MPDZ: variants seen among roughly 807,000 people sequenced by gnomAD.
MPDZ encodes multiple PDZ domain protein.
Under a neutral mutation model 239.1 loss-of-function variants are expected in MPDZ, and 234 were observed. The ratio of observed to expected loss-of-function variants is 0.98; its 90% CI spans 0.88 to 1.09. The LOEUF is 1.09. Among genes scored for constraint, MPDZ ranks in the 50% least tolerant of loss-of-function variants. The pLI, the probability that MPDZ is intolerant of heterozygous loss-of-function variation, is 0.00. For missense variants in MPDZ, 3,175 were observed against 2,510.0 expected (o/e 1.26, Z -5.66); for synonymous variants, 1,048 against 881.3 (o/e 1.19, Z -3.35).
intron 26 of MPDZ, among the ~76,000 whole-genome samples, chr9:13,146,706 A>C (rs1320483297): frequency 6.6e-6 from 1 of 152,002 alleles, no homozygotes; most frequent in Non-Finnish European, 1.5e-5. Context: ...GAACTTTCAA[A>C]GGGGTATGTG....
chr9:13,192,425 T>C (rs184657784), intron 14 of MPDZ, 130 bp from the exon 15 acceptor site: 9 of 733,872 alleles, frequency 1.2e-5, no homozygotes, highest in African/African-American at 3.6e-5. Context: ...AGAACTATAG[T>C]GAGACCTGTG....
At chr9:13,239,661 T>A (rs535269531) in intron 3 of MPDZ, among the ~76,000 whole-genome samples, 1 of 152,162 alleles carries the variant, frequency 6.6e-6, no homozygotes, top group Admixed American at 6.6e-5. Flanking sequence ...TTAAGAATAC[T>A]CATGCATTCA....
intron 21 of MPDZ, among the ~76,000 whole-genome samples, chr9:13,172,679 G>A (rs901525393): frequency 4.6e-5 from 7 of 152,100 alleles, no homozygotes; most frequent in Admixed American, 3.3e-4. Flanking sequence ...GAGCCACCGC[G>A]CCCGGCCAAA....
chr9:13,263,924 T>C (rs1337075452), intron 1 of MPDZ, among the ~76,000 whole-genome samples: 1 of 152,132 alleles, frequency 6.6e-6, no homozygotes, highest in African/African-American at 2.4e-5. Context: ...TAATACTAAA[T>C]TATGGAAAAG....
intron 13 of MPDZ, among the ~76,000 whole-genome samples, chr9:13,194,744 T>C (rs1230383745): frequency 6.6e-6 from 1 of 152,116 alleles, no homozygotes; most frequent in African/African-American, 2.4e-5. Flanking sequence ...TGAGCTCTGA[T>C]GCCTACAACA....
intron 10 of MPDZ, among the ~76,000 whole-genome samples, chr9:13,209,237 C>A (rs1026143845): frequency 8.5e-5 from 13 of 152,150 alleles, no homozygotes; most frequent in African/African-American, 3.1e-4. Flanking sequence ...TGTAATAGCA[C>A]AGAATTACTT....
At chr9:13,228,777 CTATATAGT>C (rs2136611977) in intron 3 of MPDZ, among the ~76,000 whole-genome samples, 1 of 152,126 alleles carries the variant, frequency 6.6e-6, no homozygotes, top group East Asian at 1.9e-4. Context: ...ATCAATTCAC[CTATATAGT>C]TTATCAAAAT....
chr9:13,129,492 T>A (rs1379663405), intron 32 of MPDZ, among the ~76,000 whole-genome samples: 4 of 148,024 alleles, frequency 2.7e-5, no homozygotes, highest in East Asian at 1.9e-4. Context: ...AATAAATAAA[T>A]AAAAATAAAT....
intron 39 of MPDZ, among the ~76,000 whole-genome samples, chr9:13,118,453 C>G (rs999951311): frequency 1.3e-5 from 2 of 152,166 alleles, no homozygotes; most frequent in Non-Finnish European, 2.9e-5. Context: ...CTCCAGGAAG[C>G]CCAGCCACTC....
At chr9:13,107,185 A>C in intron 46 of MPDZ, 74 bp from the exon 47 acceptor site, 167 of 1,442,984 alleles carry the variant, frequency 1.2e-4, no homozygotes, top group Non-Finnish European at 1.5e-4. Flanking sequence ...AAAAGATCTC[A>C]ACAGGAATGT....
At position 13,119,646 on chromosome 9, in the gene MPDZ, G is replaced by C. The variant is rs750354781; in HGVS notation, c.5235C>G (p.Asn1745Lys). Residue 1745 changes from asparagine (N) to lysine (K), a missense_variant, in exon 39 of 47, where the codon AAC (asparagine) becomes AAG (lysine). Transcript: ENST00000319217. ...TGTCTGACACAAATACTCCAGTATC[G>C]TTTCTACACACAATTTTGAATTTCA... ...GLGLSIVGKR[N>K]DTGVFVSDIV... The C allele has an allele frequency of 4.3e-6, 7 of 1,613,542 alleles. No individual in the cohort carries two copies. The highest frequency in any genetic ancestry group is 5.9e-6 in the Non-Finnish European group (7 of 1,179,812).
chr9:13,195,287 C>CA (rs1287188828), intron 13 of MPDZ, among the ~76,000 whole-genome samples: 4 of 151,648 alleles, frequency 2.6e-5, no homozygotes, highest in South Asian at 2.1e-4. Flanking sequence ...GACCTTGTCT[C>CA]AAAAAAACAA....
At chr9:13,245,305 G>C (rs958794113) in intron 3 of MPDZ, among the ~76,000 whole-genome samples, 5 of 150,858 alleles carry the variant, frequency 3.3e-5, no homozygotes, top group African/African-American at 1.2e-4. Flanking sequence ...AATTGAATTA[G>C]TAAAGAATGG....
chr9:13,122,673 T>C (rs988200462), intron 36 of MPDZ, among the ~76,000 whole-genome samples: 7 of 152,040 alleles, frequency 4.6e-5, no homozygotes, highest in African/African-American at 1.7e-4. Flanking sequence ...GACGCTACCA[T>C]GCCTAGCTAG....
intron 23 of MPDZ, among the ~76,000 whole-genome samples, chr9:13,159,463 A>G (rs942419717): frequency 1.3e-5 from 2 of 152,162 alleles, no homozygotes; most frequent in African/African-American, 4.8e-5. Flanking sequence ...TGACAGAGAA[A>G]TAGTAAAAGT....
At chr9:13,139,770 C>T (rs1230523036) in intron 28 of MPDZ, 1 of 562,516 alleles carries the variant, frequency 1.8e-6, no homozygotes, top group Non-Finnish European at 3.2e-6. Flanking sequence ...GCAGAGTGAG[C>T]TTTAACAGCA....
chr9:13,113,160 T>C, intron 41 of MPDZ, 106 bp from the exon 42 acceptor site: 1 of 981,288 alleles, frequency 1.0e-6, no homozygotes, highest in Non-Finnish European at 1.5e-6. Context: ...CCTAGGTTTC[T>C]TTTTTTAAGG....
chr9:13,178,427 T>C (rs1265866851), intron 19 of MPDZ, among the ~76,000 whole-genome samples: 6 of 152,174 alleles, frequency 3.9e-5, no homozygotes, highest in African/African-American at 1.2e-4. Context: ...TTCCTGACAA[T>C]TATCAAGGAT....
At chr9:13,163,758 T>C (rs141845324) in intron 22 of MPDZ, among the ~76,000 whole-genome samples, 66 of 152,264 alleles carry the variant, frequency 4.3e-4, no homozygotes, top group African/African-American at 1.5e-3. Context: ...ATAATAAGTA[T>C]ACAAAACCTC....
Sources: gnomAD v4.1 joint callset for allele counts (sites outside exome capture counted in the v4.1 genomes callset) on GRCh38, gnomAD v4.1.1 for gene constraint, MANE v1.5 for transcripts, NCBI Gene and HGNC (gene_info 2026-07-23, HGNC 2026-07-21) for gene names.